Variants in CAPS2 observed in about 807,000 individuals in gnomAD.
The protein encoded by CAPS2 is calcyphosine 2.
In CAPS2, 98 loss-of-function variants were observed where a neutral mutation model predicts 86.5. The observed-to-expected ratio is 1.13, with a 90% CI of 0.96 to 1.34. The LOEUF is 1.34. CAPS2 is among the 40% of genes most tolerant of loss of function. The pLI is 0.00. For synonymous variants in CAPS2, 210 were observed against 225.1 expected, an observed-to-expected ratio of 0.93 and a Z score of 0.60; for missense variants, 729 against 686.8, an observed-to-expected ratio of 1.06 and a Z score of -0.69.
intron 1 of CAPS2, among the ~76,000 whole-genome samples, chr12:75,356,324 A>G (rs571842193): frequency 6.6e-6 from 1 of 152,282 alleles, no homozygotes; most frequent in South Asian, 2.1e-4. Flanking sequence ...ACTGGAGATG[A>G]TAAGTTTGTG....
At chr12:75,286,657 T>A (rs1320653627) in intron 14 of CAPS2, among the ~76,000 whole-genome samples, 1 of 151,988 alleles carries the variant, frequency 6.6e-6, no homozygotes, top group Non-Finnish European at 1.5e-5. Flanking sequence ...TCAATTTTTT[T>A]AATCTCAAAT....
chr12:75,292,357 C>T (rs1027481837), intron 12 of CAPS2, among the ~76,000 whole-genome samples: 12 of 151,950 alleles, frequency 7.9e-5, no homozygotes, highest in African/African-American at 2.9e-4. Flanking sequence ...TGAGCCGCTG[C>T]GCCTGGCCAA....
chr12:75,333,304 A>G (rs1234699388), upstream of CAPS2, among the ~76,000 whole-genome samples: 3 of 152,198 alleles, frequency 2.0e-5, no homozygotes, highest in African/African-American at 2.4e-5. Context: ...AGAACTTTAC[A>G]TATATAAATG....
intron 7 of CAPS2, chr12:75,305,771 G>A: frequency 2.8e-6 from 2 of 719,840 alleles, no homozygotes; most frequent in African/African-American, 1.7e-5. Flanking sequence ...CTGGTTTCCA[G>A]ACATGGTGAA....
chr12:75,334,647 C>CG (rs2139208890), upstream of CAPS2: 1 of 1,548,440 alleles, frequency 6.5e-7, no homozygotes, highest in Non-Finnish European at 8.7e-7. Context: ...GAGCGTGGTG[C>CG]GGGGGCGTGG....
At chr12:75,347,572 T>C in intron 1 of CAPS2, 1 of 1,158,258 alleles carries the variant, frequency 8.6e-7, no homozygotes, top group South Asian at 1.3e-5. Flanking sequence ...ATGCATTGTT[T>C]GCATAGAATT....
At chr12:75,346,629 T>C (rs968591330) in intron 1 of CAPS2, among the ~76,000 whole-genome samples, 2 of 152,184 alleles carry the variant, frequency 1.3e-5, no homozygotes, top group African/African-American at 4.8e-5. Context: ...GACCTCGCAA[T>C]CTGCCCGCCT....
chr12:75,347,517 T>TAC (rs2042533477), intron 1 of CAPS2: 1 of 593,630 alleles, frequency 1.7e-6, no homozygotes, highest in Non-Finnish European at 3.0e-6. Context: ...AATATTTATG[T>TAC]ACATTATTTT....
chr12:75,278,703 T>C (rs925130839), exon 17 of CAPS2: 17 of 1,301,882 alleles, frequency 1.3e-5, no homozygotes, highest in African/African-American at 9.1e-5. Flanking sequence ...CCTACATCTA[T>C]CTTTCTGGAT....
chr12:75,276,304 C>A (rs2032923118), downstream of CAPS2: 10 of 1,515,886 alleles, frequency 6.6e-6, no homozygotes, highest in Non-Finnish European at 8.8e-6. Context: ...GCACTACAAA[C>A]TATAATCTCA....
intron 1 of CAPS2, among the ~76,000 whole-genome samples, chr12:75,358,099 C>A (rs1271296358): frequency 6.6e-6 from 1 of 150,950 alleles, no homozygotes; most frequent in Non-Finnish European, 1.5e-5. Context: ...CATCTGCAAA[C>A]CATACTGATC....
intron 8 of CAPS2, among the ~76,000 whole-genome samples, chr12:75,304,060 A>G (rs1000619947): frequency 1.1e-4 from 16 of 152,308 alleles, no homozygotes; most frequent in South Asian, 4.1e-4. Flanking sequence ...TAAACAATAA[A>G]TCTGTGTTTT....
At chr12:75,294,465 C>T (rs1456221369) in intron 11 of CAPS2, among the ~76,000 whole-genome samples, 3 of 152,172 alleles carry the variant, frequency 2.0e-5, no homozygotes, top group South Asian at 4.1e-4. Context: ...ACCGGTGAGC[C>T]ACTCTTTGAG....
chr12:75,353,740 C>A (rs2042964046), intron 1 of CAPS2, among the ~76,000 whole-genome samples: 3 of 152,168 alleles, frequency 2.0e-5, no homozygotes, highest in Admixed American at 6.5e-5. Flanking sequence ...CAAAAATTCT[C>A]AATAAAATAC....
chr12:75,321,808 A>T lies in CAPS2; in HGVS notation c.292-232T>A, dbSNP rs1209022065. ...TGGGCACTTACCTTAAATACCAGTAAGCTTATACCTTGTTTCCTAGCTGAA... is the reference window on the plus strand; with the variant it reads ...TGGGCACTTACCTTAAATACCAGTATGCTTATACCTTGTTTCCTAGCTGAA... On this transcript the variant is annotated intron_variant, in intron 4 of 16. Coordinates refer to ENST00000393284, the Ensembl canonical transcript of CAPS2. Among the ~76,000 whole-genome samples the T allele has an allele frequency of 3.3e-5, 5 of 152,138 alleles. No homozygotes were observed. The East Asian group carries it at 9.7e-4, about 29-fold the overall frequency.
At chr12:75,343,632 T>C in intron 1 of CAPS2, 1 of 1,258,802 alleles carries the variant, frequency 7.9e-7, no homozygotes, top group Non-Finnish European at 1.1e-6. Context: ...ATTACAATAA[T>C]TAGAATAATT....
intron 1 of CAPS2, among the ~76,000 whole-genome samples, chr12:75,386,458 A>C (rs2045297914): frequency 6.6e-6 from 1 of 152,180 alleles, no homozygotes; most frequent in African/African-American, 2.4e-5. Flanking sequence ...GTGCATGCAC[A>C]TGTGCAAAAG....
rs974154108 is a variant in CAPS2, at chr12:75,302,197, T to A, written c.780-2286A>T. On this transcript the variant is annotated intron_variant, in intron 8 of 16. Transcript: ENST00000393284. Reference sequence around the variant, plus strand: ...AAAAATAAATGGGGCATAAGAGGAGTGAAAGCTAAAAATTCAATAATTCTA... The same window carrying A: ...AAAAATAAATGGGGCATAAGAGGAGAGAAAGCTAAAAATTCAATAATTCTA... Among the ~76,000 whole-genome samples, 6 of 151,952 alleles carry A rather than the reference T, an allele frequency of 3.9e-5. 1 individual carries two copies. Among genetic ancestry groups the A allele is most frequent in the Admixed American group, 3.9e-4 (6 of 15,242 alleles).
rs966412606 is a variant in CAPS2, at chr12:75,370,425, T to C, written c.-395+20413A>G. 1.4e-5 allele frequency: 4 copies of C among 293,212 alleles called. No individual in the cohort carries two copies. In the Admixed American group the frequency reaches 1.8e-4, roughly 14 times the overall value. The allele number at this position is 293,212 out of a possible 1,614,324, so 18.2% of individuals were successfully genotyped here. On this transcript the variant is annotated intron_variant, in intron 1 of 5. Transcript: ENST00000551829. ...GTATCAAAAGTGTTCCACTCTTTAA[T>C]TTTCTAATGAGAATGGATTATCATT...
Sources: gnomAD v4.1 joint callset for allele counts (sites outside exome capture counted in the v4.1 genomes callset) on GRCh38, gnomAD v4.1.1 for gene constraint, MANE v1.5 for transcripts, NCBI Gene and HGNC (gene_info 2026-07-23, HGNC 2026-07-21) for gene names.